Variants in CHST9 observed in about 807,000 individuals in gnomAD.
The protein encoded by CHST9 is GalNAc-4-sulfotransferase 2.
A neutral mutation model predicts 44.4 loss-of-function variants in CHST9; 41 were observed. The ratio of observed to expected loss-of-function variants is 0.92; its 90% CI spans 0.72 to 1.20. CHST9 has a LOEUF of 1.20. Ranked by LOEUF, CHST9 falls within the 50% of genes most tolerant of loss-of-function variation. The pLI, the probability that CHST9 is intolerant of heterozygous loss-of-function variation, is 0.00. For missense variants in CHST9, 504 were observed against 516.5 expected (o/e 0.98, Z 0.23); for synonymous variants, 171 against 178.4 (o/e 0.96, Z 0.33).
chr18:27,019,070 A>G (rs2057188771), intron 4 of CHST9, among the ~76,000 whole-genome samples: 1 of 152,194 alleles, frequency 6.6e-6, no homozygotes, highest in African/African-American at 2.4e-5. Context: ...TATGTTTGGG[A>G]ACTGTATCTC....
At chr18:27,037,559 G>A (rs900844191) in intron 3 of CHST9, among the ~76,000 whole-genome samples, 3 of 152,156 alleles carry the variant, frequency 2.0e-5, no homozygotes, top group Non-Finnish European at 4.4e-5. Context: ...GGATGTGGTG[G>A]CACACGCTTG....
At position 26,914,971 on chromosome 18, in the gene CHST9, TC is replaced by T; in HGVS notation, c.*1287del. On this transcript the variant is annotated 3_prime_UTR_variant, in exon 6 of 6. Coordinates refer to ENST00000618847, the MANE Select transcript of CHST9 (RefSeq NM_031422.6). Reference sequence around the variant, plus strand: ...TCCAAATGTTTCCCATCCAAAATGATCCCTTTTTTTTTCCCCAAGGGATCTA... The same window carrying T: ...TCCAAATGTTTCCCATCCAAAATGATCCTTTTTTTTTCCCCAAGGGATCTA... 2.6e-6 allele frequency: 1 copy of T among 382,852 alleles called. No individual in the cohort carries two copies. Among genetic ancestry groups the T allele is most frequent in the Non-Finnish European group, 4.6e-6 (1 of 219,574 alleles). 23.7% of individuals were successfully genotyped at this position (382,852 alleles called of 1,614,324 possible).
chr18:27,010,408 T>C (rs2057068921), intron 4 of CHST9, among the ~76,000 whole-genome samples: 1 of 152,186 alleles, frequency 6.6e-6, no homozygotes, highest in Non-Finnish European at 1.5e-5. Context: ...CTTGAAGTAA[T>C]TGTCAGGGTG....
chr18:27,125,900 G>C (rs1396570691), intron 2 of CHST9, among the ~76,000 whole-genome samples: 1 of 152,194 alleles, frequency 6.6e-6, no homozygotes, highest in East Asian at 1.9e-4. Context: ...CAAAACAAAG[G>C]AAGTGTAAAA....
intron 2 of CHST9, among the ~76,000 whole-genome samples, chr18:27,063,761 A>AT (rs939894242): frequency 3.3e-5 from 5 of 150,878 alleles, no homozygotes; most frequent in Non-Finnish European, 5.9e-5. Flanking sequence ...TTTGCTATAG[A>AT]TTTTTTTTCA....
intron 3 of CHST9, among the ~76,000 whole-genome samples, chr18:27,028,609 A>G: frequency 6.6e-6 from 1 of 151,672 alleles, no homozygotes; most frequent in Middle Eastern, 3.2e-3. Flanking sequence ...GTGCAGTAGC[A>G]CGATCTCGGC....
At chr18:27,057,272 T>C (rs979264417) in intron 2 of CHST9, among the ~76,000 whole-genome samples, 5 of 152,240 alleles carry the variant, frequency 3.3e-5, no homozygotes, top group African/African-American at 1.2e-4. Flanking sequence ...AAGGATTTTA[T>C]GTACTACATT....
At chr18:26,919,979 T>C (rs1013295011) in intron 5 of CHST9, among the ~76,000 whole-genome samples, 6 of 152,228 alleles carry the variant, frequency 3.9e-5, no homozygotes, top group African/African-American at 1.4e-4. Flanking sequence ...CCTCTGCTTC[T>C]GTGAAATCAA....
At chr18:26,935,634 A>T (rs554858847) in intron 5 of CHST9, 12 of 152,354 alleles carry the variant, frequency 7.9e-5, no homozygotes, top group Non-Finnish European at 1.6e-4. Flanking sequence ...TTATCCAGTA[A>T]TGATAAAAAT....
intron 2 of CHST9, among the ~76,000 whole-genome samples, chr18:27,056,383 C>T (rs2057655810): frequency 6.6e-6 from 1 of 152,040 alleles, no homozygotes; most frequent in South Asian, 2.1e-4. Context: ...AGATTTTTAC[C>T]TTTTCTGTGC....
intron 5 of CHST9, among the ~76,000 whole-genome samples, chr18:26,925,179 C>T (rs1316678679): frequency 1.3e-5 from 2 of 152,072 alleles, no homozygotes; most frequent in African/African-American, 2.4e-5. Flanking sequence ...AATCCTGGCT[C>T]GCAGGTGAGG....
At chr18:27,072,768 T>C (rs1436532426) in intron 2 of CHST9, among the ~76,000 whole-genome samples, 1 of 152,180 alleles carries the variant, frequency 6.6e-6, no homozygotes, top group Non-Finnish European at 1.5e-5. Context: ...GGCTTTAAAG[T>C]AACTGCTAGA....
intron 2 of CHST9, among the ~76,000 whole-genome samples, chr18:27,105,705 A>G (rs2058215018): frequency 1.3e-5 from 2 of 152,208 alleles, no homozygotes; most frequent in African/African-American, 4.8e-5. Context: ...TATGTTATGC[A>G]AAATCTGATG....
chr18:27,157,679 G>C (rs570803664), intron 1 of CHST9, among the ~76,000 whole-genome samples: 3 of 152,100 alleles, frequency 2.0e-5, no homozygotes, highest in Non-Finnish European at 4.4e-5. Context: ...AAATTCCAAA[G>C]TAACTGCCTA....
At chr18:26,945,969 G>A (rs1430175079) in intron 4 of CHST9, among the ~76,000 whole-genome samples, 1 of 152,184 alleles carries the variant, frequency 6.6e-6, no homozygotes, top group East Asian at 1.9e-4. Context: ...TACAGTAGAA[G>A]TGTAAGGCGT....
Position 27,139,563 on chromosome 18 carries a change from A to G in CHST9, c.121+3126T>C, listed in dbSNP as rs571412886. 1.2e-4 allele frequency among the ~76,000 whole-genome samples: 18 copies of G among 152,282 alleles called. No individual in the cohort carries two copies. The South Asian group carries it at 2.3e-3, about 19-fold the overall frequency. On this transcript the variant is annotated intron_variant, in intron 2 of 5. Coordinates refer to ENST00000618847, the MANE Select transcript of CHST9 (RefSeq NM_031422.6). ...AGAAAACTGCAGAATTTCAACTCAC[A>G]GCACTAACCTAGTATAAGGCAGAAC...
chr18:27,042,401 A>G (rs1318506962), intron 3 of CHST9, among the ~76,000 whole-genome samples: 1 of 152,088 alleles, frequency 6.6e-6, no homozygotes, highest in Non-Finnish European at 1.5e-5. Flanking sequence ...GTGTTTGCCA[A>G]TCTCCATGTG....
intron 4 of CHST9, among the ~76,000 whole-genome samples, chr18:26,975,670 A>ATATATAT (rs2056609930): frequency 3.7e-5 from 2 of 54,320 alleles, no homozygotes; most frequent in Non-Finnish European, 8.2e-5. Context: ...TATATATATA[A>ATATATAT]ATATATGTAT....
At chr18:26,920,652 T>C (rs232320) in intron 5 of CHST9, among the ~76,000 whole-genome samples, 45,824 of 152,144 alleles carry the variant, frequency 0.3, 7,198 homozygotes, top group East Asian at 0.48. Context: ...AATTTAATAG[T>C]GGTCTTCTAA....
Sources: allele counts gnomAD v4.1 joint callset (sites outside exome capture counted in the v4.1 genomes callset), GRCh38; gene constraint gnomAD v4.1.1; transcripts MANE v1.5; gene names NCBI Gene and HGNC (gene_info 2026-07-23, HGNC 2026-07-21).